Variants in ZFHX3 observed in about 807,000 individuals in gnomAD.
The protein encoded by ZFHX3 is zinc finger homeobox 3.
ZFHX3 carries 42 observed loss-of-function variants against 279.1 expected under a neutral mutation model. That is an observed-to-expected ratio of 0.15 (90% CI 0.12 to 0.19). ZFHX3 has a LOEUF of 0.19. ZFHX3 is among the 10% of genes least tolerant of loss of function. The pLI, the probability that ZFHX3 is intolerant of heterozygous loss-of-function variation, is 1.00. For missense variants in ZFHX3, 4,981 were observed against 4,754.0 expected, an observed-to-expected ratio of 1.05 and a Z score of -1.40; for synonymous variants, 2,293 against 1,957.8, an observed-to-expected ratio of 1.17 and a Z score of -4.52.
intron 7 of ZFHX3, among the ~76,000 whole-genome samples, chr16:72,804,766 C>T (rs2036211224): frequency 6.6e-6 from 1 of 152,072 alleles, no homozygotes; most frequent in Admixed American, 6.6e-5. Context: ...ATAAGGAACA[C>T]CATCCTGCCA....
intron 2 of ZFHX3, among the ~76,000 whole-genome samples, chr16:73,472,208 C>T (rs553029024): frequency 5.3e-5 from 8 of 151,282 alleles, no homozygotes; most frequent in South Asian, 2.1e-4. Context: ...GCCCCACAGC[C>T]GCCTGGAACA....
At chr16:73,280,919 A>G (rs1321401193) in intron 4 of ZFHX3, among the ~76,000 whole-genome samples, 3 of 151,352 alleles carry the variant, frequency 2.0e-5, no homozygotes, top group Non-Finnish European at 2.9e-5. Flanking sequence ...TGGGAGGTAG[A>G]GGTTGTGGTG....
chr16:73,705,323 A>T (rs2053292437), intron 1 of ZFHX3, among the ~76,000 whole-genome samples: 1 of 152,176 alleles, frequency 6.6e-6, no homozygotes, highest in African/African-American at 2.4e-5. Context: ...CACTGGTTGC[A>T]GGAGTCTCCC....
intron 5 of ZFHX3, among the ~76,000 whole-genome samples, chr16:73,162,185 T>C (rs1454537472): frequency 6.6e-6 from 1 of 152,180 alleles, no homozygotes; most frequent in Non-Finnish European, 1.5e-5. Flanking sequence ...TGAGCAAAGG[T>C]TCGTCTGTAT....
At chr16:73,402,302 T>C (rs567917679) in intron 3 of ZFHX3, 19 of 152,352 alleles carry the variant, frequency 1.2e-4, no homozygotes, top group Admixed American at 5.2e-4. Context: ...TCAGGTAAAC[T>C]TGAACGTCTT....
rs1362511565 is a variant in ZFHX3 at position 72,884,934 on chromosome 16, G to T, written c.3448+4797C>A. ...TGTGGGTGGGTAAGTATGAAATGCC[G>T]AGACGAAATCCCAACCAATTCCAGA... On this transcript the variant is annotated intron_variant, in intron 4 of 9. Coordinates refer to ENST00000268489, the MANE Select transcript of ZFHX3 (RefSeq NM_006885.4). Among the ~76,000 whole-genome samples, 5 of 152,184 alleles carry T rather than the reference G, an allele frequency of 3.3e-5. No homozygotes were observed. In the South Asian group the frequency reaches 1.0e-3, roughly 31 times the overall value.
At chr16:73,142,636 T>C (rs1282324073) in intron 6 of ZFHX3, among the ~76,000 whole-genome samples, 1 of 152,300 alleles carries the variant, frequency 6.6e-6, no homozygotes, top group African/African-American at 2.4e-5. Context: ...TGACGGGTAG[T>C]GTGGAATGTG....
At chr16:72,895,691 G>A (rs1044754375) in intron 3 of ZFHX3, among the ~76,000 whole-genome samples, 3 of 152,160 alleles carry the variant, frequency 2.0e-5, no homozygotes, top group African/African-American at 7.2e-5. Flanking sequence ...AAGTGTGGTG[G>A]CACATGCCTG....
intron 1 of ZFHX3, among the ~76,000 whole-genome samples, chr16:73,873,163 T>TGGTGGGG (rs2029871432): frequency 5.7e-5 from 2 of 35,308 alleles, no homozygotes; most frequent in Non-Finnish European, 1.1e-4. Flanking sequence ...GGGTGGTGGG[T>TGGTGGGG]GGTGGTGGGT....
intron 5 of ZFHX3, among the ~76,000 whole-genome samples, chr16:73,251,389 G>T (rs566878602): frequency 2.3e-4 from 35 of 152,318 alleles, no homozygotes; most frequent in South Asian, 1.0e-3. Flanking sequence ...AGCACTGTTA[G>T]GGGCCAAGCG....
chr16:73,695,604 G>A (rs2053190656), intron 1 of ZFHX3, among the ~76,000 whole-genome samples: 1 of 152,162 alleles, frequency 6.6e-6, no homozygotes, highest in Non-Finnish European at 1.5e-5. Flanking sequence ...AAGGGTATAC[G>A]TTTAGGCTCC....
At chr16:73,430,498 A>C (rs2017891147) in intron 3 of ZFHX3, among the ~76,000 whole-genome samples, 2 of 152,162 alleles carry the variant, frequency 1.3e-5, no homozygotes, top group African/African-American at 4.8e-5. Flanking sequence ...AAAACAGATC[A>C]AAAGAAAATC....
chr16:73,847,750 T>G (rs1419482276), intron 1 of ZFHX3, among the ~76,000 whole-genome samples: 1 of 151,962 alleles, frequency 6.6e-6, no homozygotes, highest in Admixed American at 6.6e-5. Flanking sequence ...TATTTATTAT[T>G]ATGATGAGAT....
In ZFHX3 at chr16:72,788,549, TCTC is replaced by T. The variant is rs754195783; in HGVS notation, c.9724_9726del (p.Glu3242del). ...CCTTTCCCTTTGTGTGCCTTTTCCT[TCTC>T]CTTTACTTTCTCACTGTCTTTGTCC... On this transcript the variant is annotated inframe_deletion, in exon 10 of 10. Coordinates refer to ENST00000268489, the MANE Select transcript of ZFHX3 (RefSeq NM_006885.4). 71 of 1,613,992 alleles carry T rather than the reference TCTC, an allele frequency of 4.4e-5. No individual in the cohort carries two copies. Among genetic ancestry groups the T allele is most frequent in the Non-Finnish European group, 5.6e-5 (66 of 1,180,036 alleles).
intron 1 of ZFHX3, among the ~76,000 whole-genome samples, chr16:73,806,204 C>T (rs1288277976): frequency 1.3e-5 from 2 of 152,152 alleles, no homozygotes; most frequent in Non-Finnish European, 2.9e-5. Context: ...GCCCTTGACA[C>T]GTGGGGATTA....
chr16:73,656,415 A>G (rs1411861128), intron 2 of ZFHX3, among the ~76,000 whole-genome samples: 4 of 152,360 alleles, frequency 2.6e-5, no homozygotes, highest in South Asian at 2.1e-4. Flanking sequence ...ATGCATACAT[A>G]TGTTGTAGAA....
chr16:72,927,918 G>A (rs1248569539), intron 3 of ZFHX3, among the ~76,000 whole-genome samples: 1 of 151,210 alleles, frequency 6.6e-6, no homozygotes, highest in Non-Finnish European at 1.5e-5. Context: ...GTCAATCCAC[G>A]GAAGGTGGGG....
chr16:73,505,722 C>T (rs1217153774), intron 2 of ZFHX3, among the ~76,000 whole-genome samples: 1 of 152,172 alleles, frequency 6.6e-6, no homozygotes, highest in African/African-American at 2.4e-5. Flanking sequence ...CCAGATTTTG[C>T]CTCTCACTTT....
chr16:73,283,516 G>A (rs766266557), intron 4 of ZFHX3, among the ~76,000 whole-genome samples: 9 of 152,118 alleles, frequency 5.9e-5, no homozygotes, highest in Non-Finnish European at 1.3e-4. Flanking sequence ...CTACTGGGGG[G>A]ACTATCAACT....
Sources: allele counts gnomAD v4.1 joint callset (sites outside exome capture counted in the v4.1 genomes callset), GRCh38; gene constraint gnomAD v4.1.1; transcripts MANE v1.5; gene names NCBI Gene and HGNC (gene_info 2026-07-23, HGNC 2026-07-21).